The following CCDC146 variants were observed in gnomAD, a reference collection of about 807,000 sequenced individuals.
The protein encoded by CCDC146 is coiled-coil domain-containing protein 146.
CCDC146 carries 92 observed loss-of-function variants against 119.3 expected under a neutral mutation model. That is an observed-to-expected ratio of 0.77 (90% CI 0.65 to 0.92). CCDC146 has a LOEUF of 0.92. Ranked by LOEUF, CCDC146 falls within the 40% of genes least tolerant of loss-of-function variation. The probability of loss-of-function intolerance (pLI) is 0.00; values close to 1 mark genes in which losing one functional copy is unlikely to be tolerated. For synonymous variants in CCDC146, 372 were observed against 371.8 expected (o/e 1.00, Z -0.01); for missense variants, 1,000 against 1,103.0 (o/e 0.91, Z 1.32).
At chr7:77,259,938 AAGTGTGTGTGTGTGTGTGTGTGTGTG>A (rs1793257157) in intron 7 of CCDC146, 45 bp from the exon 8 acceptor site, 1 of 871,188 alleles carries the variant, frequency 1.1e-6, no homozygotes. Context: ...AAAATAAGGC[AAGTGTGTGTGTGTGTGTGTGTGTGTG>A]TGTGTGTGTG....
chr7:77,266,708 AT>A (rs76406703), intron 9 of CCDC146, among the ~76,000 whole-genome samples: 14,050 of 151,734 alleles, frequency 0.093, 1,194 homozygotes, highest in East Asian at 0.42. Flanking sequence ...CATTACCTAA[AT>A]GACTGCAGCT....
intron 2 of CCDC146, among the ~76,000 whole-genome samples, chr7:77,176,118 C>T (rs1306903065): frequency 6.6e-6 from 1 of 151,130 alleles, no homozygotes; most frequent in African/African-American, 2.5e-5. Flanking sequence ...TATGCACATA[C>T]TTGGAATATC....
chr7:77,139,138 A>C (rs954429219), intron 1 of CCDC146, among the ~76,000 whole-genome samples: 1 of 152,270 alleles, frequency 6.6e-6, no homozygotes, highest in Non-Finnish European at 1.5e-5. Context: ...ATGAATAAAT[A>C]AACTTTGACA....
At chr7:77,247,418 C>T (rs114380849) in intron 4 of CCDC146, among the ~76,000 whole-genome samples, 2,114 of 152,264 alleles carry the variant, frequency 0.014, 45 homozygotes, top group African/African-American at 0.048. Flanking sequence ...GCAGCATGCC[C>T]GAGGTGTAGG....
intron 1 of CCDC146, among the ~76,000 whole-genome samples, chr7:77,162,759 C>T (rs1791281452): frequency 6.6e-6 from 1 of 151,954 alleles, no homozygotes; most frequent in Non-Finnish European, 1.5e-5. Flanking sequence ...ATTAATTCTT[C>T]TAATCCATAA....
chr7:77,274,652 G>A lies in CCDC146; in HGVS notation c.1440G>A (p.Gln480=). Residue 480 remains glutamine (Q), a splice_region_variant and synonymous_variant, in exon 11 of 19, where the codon CAG becomes CAA. Coordinates refer to ENST00000285871, the MANE Select transcript of CCDC146 (RefSeq NM_020879.3). ...EQKSKDFLKA[Q]QKYTNIVKEM... ...AGTCCAAGGATTTCCTGAAAGCTCA[G>A]GTAACTGCATTTTTTTAACCATTCA... is the stretch of plus-strand genomic sequence containing the variant. 2 of 1,603,382 alleles carry A rather than the reference G, an allele frequency of 1.2e-6. No individual in the cohort carries two copies. Among genetic ancestry groups the A allele is most frequent in the Non-Finnish European group, 1.7e-6 (2 of 1,176,682 alleles).
rs779353254 is a variant in CCDC146, at chr7:77,223,003, C to T, written c.157-13944C>T. Among the ~76,000 whole-genome samples the T allele has an allele frequency of 1.4e-4, 21 of 152,186 alleles. 1 individual carries two copies. The highest frequency in any genetic ancestry group is 8.8e-5 in the Non-Finnish European group (6 of 68,022). ...CTGTGTTCTGATCCTTATGTGAATA[C>T]GCTTCACAGCTTTGGCCCTGTTAGG... On this transcript the variant is annotated intron_variant, in intron 2 of 18. Transcript: ENST00000285871.
chr7:77,147,815 C>T (rs1791044896), intron 1 of CCDC146, among the ~76,000 whole-genome samples: 1 of 152,218 alleles, frequency 6.6e-6, no homozygotes, highest in Non-Finnish European at 1.5e-5. Context: ...TGTCAGTCTG[C>T]CTCTACTGGG....
chr7:77,153,293 G>C (rs945059851), intron 1 of CCDC146, among the ~76,000 whole-genome samples: 13 of 152,026 alleles, frequency 8.6e-5, no homozygotes, highest in African/African-American at 3.1e-4. Flanking sequence ...AAGAGGAAGG[G>C]GTTAAATGAA....
At chr7:77,221,319 CA>C (rs1792398992) in intron 2 of CCDC146, among the ~76,000 whole-genome samples, 1 of 152,206 alleles carries the variant, frequency 6.6e-6, no homozygotes, top group African/African-American at 2.4e-5. Context: ...GTTTTCAATT[CA>C]AAGGCTTTTA....
At chr7:77,216,741 G>A (rs1792308037) in intron 2 of CCDC146, among the ~76,000 whole-genome samples, 1 of 152,026 alleles carries the variant, frequency 6.6e-6, no homozygotes, top group Admixed American at 6.6e-5. Flanking sequence ...ATAATTGCTG[G>A]GAAAAGTTGT....
At chr7:77,225,142 C>T (rs1381575952) in intron 2 of CCDC146, among the ~76,000 whole-genome samples, 1 of 152,184 alleles carries the variant, frequency 6.6e-6, no homozygotes, top group East Asian at 1.9e-4. Flanking sequence ...TTTATTTGTA[C>T]ACTAAGATAT....
intron 2 of CCDC146, among the ~76,000 whole-genome samples, chr7:77,204,907 C>G (rs1792056057): frequency 6.6e-6 from 1 of 152,114 alleles, no homozygotes; most frequent in Admixed American, 6.5e-5. Context: ...CCACTTGAGG[C>G]CAGAAATTCA....
chr7:77,234,503 GGC>G (rs1417566547), intron 2 of CCDC146, among the ~76,000 whole-genome samples: 1 of 152,214 alleles, frequency 6.6e-6, no homozygotes, highest in African/African-American at 2.4e-5. Context: ...GGGAGGCCAA[GGC>G]GGGTGGGTTG....
intron 1 of CCDC146, among the ~76,000 whole-genome samples, chr7:77,160,848 A>C (rs71217123): frequency 6.6e-6 from 1 of 152,156 alleles, no homozygotes; most frequent in East Asian, 1.9e-4. Flanking sequence ...AGTGAACAGG[A>C]AACCTACAAA....
At chr7:77,217,329 TACACAC>T (rs34434670) in intron 2 of CCDC146, among the ~76,000 whole-genome samples, 1 of 149,372 alleles carries the variant, frequency 6.7e-6, no homozygotes, top group Non-Finnish European at 1.5e-5. Flanking sequence ...TGACATTTTC[TACACAC>T]ACACACACAC....
chr7:77,126,407 C>T (rs1198435304), intron 1 of CCDC146, among the ~76,000 whole-genome samples: 1 of 151,968 alleles, frequency 6.6e-6, no homozygotes, highest in Non-Finnish European at 1.5e-5. Context: ...GAATGAGGTA[C>T]GCAGACAAGT....
chr7:77,169,184 C>T (rs1443458616), intron 2 of CCDC146, among the ~76,000 whole-genome samples: 6 of 151,260 alleles, frequency 4.0e-5, no homozygotes, highest in African/African-American at 9.7e-5. Context: ...TGGATTTTTC[C>T]GATTTTCTTA....
chr7:77,199,647 G>T (rs551393953), intron 2 of CCDC146: 4 of 1,614,050 alleles, frequency 2.5e-6, no homozygotes, highest in African/African-American at 1.3e-5. Flanking sequence ...CTGCCTCTTC[G>T]CATTTCCCTC....
Sources: gnomAD v4.1 joint callset for allele counts (sites outside exome capture counted in the v4.1 genomes callset) on GRCh38, gnomAD v4.1.1 for gene constraint, MANE v1.5 for transcripts, NCBI Gene and HGNC (gene_info 2026-07-23, HGNC 2026-07-21) for gene names.